Variants in DLC1 observed in about 807,000 individuals in gnomAD.
DLC1 encodes the protein rho GTPase-activating protein 7.
A neutral mutation model predicts 140.3 loss-of-function variants in DLC1; 54 were observed. That is an observed-to-expected ratio of 0.38 (90% CI 0.31 to 0.48). DLC1 has a LOEUF of 0.48. Among genes scored for constraint, DLC1 ranks in the 20% least tolerant of loss-of-function variants. The probability of loss-of-function intolerance (pLI) is 0.96; values close to 1 mark genes in which losing one functional copy is unlikely to be tolerated. For missense variants in DLC1, 2,536 were observed against 1,907.0 expected (o/e 1.33, Z -6.14); for synonymous variants, 986 against 728.1 (o/e 1.35, Z -5.70).
intron 4 of DLC1, among the ~76,000 whole-genome samples, chr8:13,319,817 C>CTT (rs1563250552): frequency 4.1e-4 from 7 of 17,058 alleles, no homozygotes; most frequent in African/African-American, 7.5e-4. Context: ...AATTCTCTCT[C>CTT]TCTCTTTTTT....
At chr8:13,545,497 A>G (rs1333325245) in intron 1 of DLC1, among the ~76,000 whole-genome samples, 1 of 151,972 alleles carries the variant, frequency 6.6e-6, no homozygotes, top group Non-Finnish European at 1.5e-5. Context: ...CCATGTCCAA[A>G]TTGGATCATG....
intron 5 of DLC1, among the ~76,000 whole-genome samples, chr8:13,120,829 A>C (rs940704434): frequency 1.3e-5 from 2 of 152,136 alleles, no homozygotes; most frequent in Non-Finnish European, 2.9e-5. Context: ...CCATATTTGC[A>C]CATTTCCTGG....
chr8:13,579,028 G>A (rs1804947781), intron 1 of DLC1, among the ~76,000 whole-genome samples: 1 of 151,484 alleles, frequency 6.6e-6, no homozygotes, highest in Admixed American at 6.6e-5. Context: ...AAGCCCACAA[G>A]CAATCACTGC....
intron 1 of DLC1, among the ~76,000 whole-genome samples, chr8:13,532,666 C>G (rs1304086081): frequency 2.6e-5 from 4 of 152,164 alleles, no homozygotes. Context: ...TCATTGCTCA[C>G]TGTGATCTTG....
At chr8:13,530,808 G>T (rs1166151998) in intron 1 of DLC1, among the ~76,000 whole-genome samples, 1 of 152,056 alleles carries the variant, frequency 6.6e-6, no homozygotes, top group Non-Finnish European at 1.5e-5. Flanking sequence ...AACTATTACA[G>T]CATTTCATTT....
chr8:13,353,910 G>A (rs959642449), intron 4 of DLC1, among the ~76,000 whole-genome samples: 1 of 151,858 alleles, frequency 6.6e-6, no homozygotes, highest in Non-Finnish European at 1.5e-5. Flanking sequence ...GCCACACTAT[G>A]AGTCAATGGC....
intron 4 of DLC1, among the ~76,000 whole-genome samples, chr8:13,363,225 T>C (rs1835320532): frequency 6.6e-6 from 1 of 152,172 alleles, no homozygotes; most frequent in South Asian, 2.1e-4. Flanking sequence ...TTCTTTGTAG[T>C]TTGTTATCTT....
At chr8:13,400,790 C>T (rs1410023004) in intron 3 of DLC1, among the ~76,000 whole-genome samples, 1 of 151,992 alleles carries the variant, frequency 6.6e-6, no homozygotes, top group Admixed American at 6.6e-5. Flanking sequence ...CATCCTAGAT[C>T]TGCACAAACT....
intron 2 of DLC1, among the ~76,000 whole-genome samples, chr8:13,412,249 TA>T (rs959925684): frequency 6.6e-6 from 1 of 152,210 alleles, no homozygotes; most frequent in East Asian, 1.9e-4. Context: ...TGAGAATTAA[TA>T]TTTTTTTCAT....
chr8:13,396,106 C>G (rs910138654), intron 3 of DLC1, among the ~76,000 whole-genome samples: 1 of 140,422 alleles, frequency 7.1e-6, no homozygotes, highest in Non-Finnish European at 1.5e-5. Context: ...GTTGCCCAGG[C>G]TGGAGTGCAG....
chr8:13,345,008 A>T (rs1001481757), intron 4 of DLC1, among the ~76,000 whole-genome samples: 1 of 152,202 alleles, frequency 6.6e-6, no homozygotes, highest in Admixed American at 6.5e-5. Flanking sequence ...GAAGAGGTGC[A>T]TAGAATCATA....
chr8:13,228,410 A>T (rs1487050322), intron 5 of DLC1, among the ~76,000 whole-genome samples: 1 of 152,102 alleles, frequency 6.6e-6, no homozygotes, highest in Non-Finnish European at 1.5e-5. Context: ...TACATAATAA[A>T]CTCTCATAAC....
intron 13 of DLC1, 55 bp from the exon 14 acceptor site, chr8:13,091,487 C>T (rs146922646): frequency 0.013 from 19,233 of 1,506,990 alleles, 164 homozygotes; most frequent in Middle Eastern, 0.029. Context: ...TATTTTTCTT[C>T]AAGGTATTAT....
Position 13,099,820 on chromosome 8 carries a change from C to A in DLC1, c.2517G>T (p.Arg839Ser). 1.2e-6 allele frequency: 2 copies of A among 1,614,206 alleles called. No homozygotes were observed. The highest frequency in any genetic ancestry group is 1.7e-6 in the Non-Finnish European group (2 of 1,180,040). The change falls in exon 9 of 18, where the codon AGG (arginine) becomes AGT (serine). Residue 839 changes from arginine (R) to serine (S), a missense_variant. Physicochemically the swap from Arg to Ser is moderately radical, Grantham distance 110 (BLOSUM62 -1). Transcript: ENST00000276297. The stretch of plus-strand genomic sequence containing the variant: ...GGCCAGGGCCGTGGAAGCTTCCCGT[C>A]CTCCAGTTCACAGAGCCGTTATTCC... ...PSGNNGSVNW[R>S]TGSFHGPGHI...
At chr8:13,219,567 A>C (rs1419468186) in intron 5 of DLC1, among the ~76,000 whole-genome samples, 1 of 151,450 alleles carries the variant, frequency 6.6e-6, no homozygotes, top group East Asian at 1.9e-4. Context: ...TTCTGACTCA[A>C]ATTCAAATTT....
chr8:13,369,884 G>C (rs1379899985), intron 4 of DLC1, among the ~76,000 whole-genome samples: 1 of 138,754 alleles, frequency 7.2e-6, no homozygotes, highest in African/African-American at 2.7e-5. Flanking sequence ...ATCTCACTCA[G>C]AATAGAAGTC....
At chr8:13,115,497 A>T in intron 6 of DLC1, 89 bp downstream of exon 6, 1 of 1,215,024 alleles carries the variant, frequency 8.2e-7, no homozygotes, top group Non-Finnish European at 1.2e-6. Flanking sequence ...AAACGATAAA[A>T]CTGCTGAAAA....
chr8:13,546,442 C>T (rs1803650883), intron 1 of DLC1, among the ~76,000 whole-genome samples: 1 of 152,038 alleles, frequency 6.6e-6, no homozygotes, highest in African/African-American at 2.4e-5. Flanking sequence ...TTATATTGAA[C>T]TTAACAAAGG....
intron 4 of DLC1, among the ~76,000 whole-genome samples, chr8:13,313,601 G>C (rs999067708): frequency 6.6e-6 from 1 of 152,112 alleles, no homozygotes; most frequent in African/African-American, 2.4e-5. Context: ...TGTGGTATTT[G>C]TTAATATGAG....
Sources: gnomAD v4.1 joint callset for allele counts (sites outside exome capture counted in the v4.1 genomes callset) on GRCh38, gnomAD v4.1.1 for gene constraint, MANE v1.5 for transcripts, NCBI Gene and HGNC (gene_info 2026-07-23, HGNC 2026-07-21) for gene names.